The following EPS15L1 variants were observed in gnomAD, a reference collection of about 807,000 sequenced individuals.
EPS15L1 encodes the protein epidermal growth factor receptor pathway substrate 15 like 1, also known as epidermal growth factor receptor substrate 15-like 1.
In EPS15L1, 43 loss-of-function variants were observed where a neutral mutation model predicts 117.1. The ratio of observed to expected loss-of-function variants is 0.37; its 90% CI spans 0.29 to 0.47. The LOEUF (loss-of-function observed/expected upper bound fraction) is 0.47, where lower values mean the gene tolerates loss of function less well. Among genes scored for constraint, EPS15L1 ranks in the 20% least tolerant of loss-of-function variants. EPS15L1 has a pLI of 0.99. For synonymous variants in EPS15L1, 459 were observed against 470.5 expected (o/e 0.98, Z 0.32); for missense variants, 981 against 1,164.0 (o/e 0.84, Z 2.29).
chr19:16,411,944 C>T lies in EPS15L1; in HGVS notation c.1266+1829G>A, dbSNP rs913252685. Reference sequence around the variant, plus strand: ...AAACTCCTGGGCTCAAGCGATCCTCCGGCCTCGGCCTCCCAAAGTGCTGGG... The same window carrying T: ...AAACTCCTGGGCTCAAGCGATCCTCTGGCCTCGGCCTCCCAAAGTGCTGGG... On this transcript the variant is annotated intron_variant, in intron 13 of 23. Transcript: ENST00000455140. Among the ~76,000 whole-genome samples, 7 of 152,190 alleles carry T rather than the reference C, an allele frequency of 4.6e-5. 1 individual carries two copies. Among genetic ancestry groups the T allele is most frequent in the East Asian group, 1.9e-4 (1 of 5,194 alleles).
chr19:16,362,231 G>A (rs2092065262), intron 22 of EPS15L1, among the ~76,000 whole-genome samples: 1 of 152,206 alleles, frequency 6.6e-6, no homozygotes, highest in Admixed American at 6.5e-5. Context: ...AACGCACACA[G>A]AGCAGCTAAA....
rs376439335 is a variant in EPS15L1, at chr19:16,413,613, G to GAA, written c.1266+158_1266+159dup. ...AAGAAAAATAAAGTGAATTCAGCCTGAAAAAAAAAAAAACAAAAACTTCAT... is the reference window on the plus strand; with the variant it reads ...AAGAAAAATAAAGTGAATTCAGCCTGAAAAAAAAAAAAAAACAAAAACTTCAT... On this transcript the variant is annotated intron_variant, in intron 13 of 23. Transcript: ENST00000455140. 5.2e-3 allele frequency: 3,180 copies of GAA among 607,350 alleles called. 2 individuals are homozygous for GAA. The highest frequency in any genetic ancestry group is 0.01 in the South Asian group (484 of 47,766). The allele number at this position is 607,350 out of a possible 1,614,324, so 37.6% of individuals were successfully genotyped here.
intron 1 of EPS15L1, among the ~76,000 whole-genome samples, chr19:16,453,811 T>C (rs2093169444): frequency 6.6e-6 from 1 of 151,526 alleles, no homozygotes; most frequent in Non-Finnish European, 1.5e-5. Flanking sequence ...TACTCTCATG[T>C]AACAAATATG....
intron 16 of EPS15L1, chr19:16,400,571 C>T: frequency 1.1e-6 from 1 of 895,558 alleles, no homozygotes; most frequent in African/African-American, 1.8e-5. Flanking sequence ...TTGAAGTGTT[C>T]AGGAGTAAAC....
chr19:16,360,490 G>A (rs777483235), intron 23 of EPS15L1, among the ~76,000 whole-genome samples: 4 of 152,054 alleles, frequency 2.6e-5, no homozygotes, highest in East Asian at 3.9e-4. Flanking sequence ...GGCCAGTCAC[G>A]TGTAACCCCA....
At chr19:16,426,839 AAT>A (rs1297811757) in intron 8 of EPS15L1, among the ~76,000 whole-genome samples, 2 of 152,240 alleles carry the variant, frequency 1.3e-5, no homozygotes, top group African/African-American at 4.8e-5. Context: ...ATTAGATAAT[AAT>A]AGACACGCTC....
Position 16,402,304 on chromosome 19 carries a change from G to A in EPS15L1, c.1791+17C>T, listed in dbSNP as rs372940566. ...GGACCAGAGCCCCATACTGTAATAC[G>A]TTTATTCAACCTTTACCATGGCTCC... On this transcript the variant is annotated intron_variant, in intron 16 of 23. Coordinates refer to ENST00000455140, the MANE Select transcript of EPS15L1 (RefSeq NM_001258374.3). 1.0e-5 allele frequency: 16 copies of A among 1,598,854 alleles called. No individual in the cohort carries two copies. Among genetic ancestry groups the A allele is most frequent in the East Asian group, 6.7e-5 (3 of 44,740 alleles).
At chr19:16,418,147 G>T (rs200306799) in intron 10 of EPS15L1, 43 bp from the exon 11 acceptor site, 1 of 1,573,248 alleles carries the variant, frequency 6.4e-7, no homozygotes, top group South Asian at 1.2e-5. Context: ...CACAGGCGCC[G>T]ACTCAGCCTG....
intron 16 of EPS15L1, among the ~76,000 whole-genome samples, chr19:16,396,995 A>G (rs1361703842): frequency 2.0e-5 from 3 of 152,120 alleles, no homozygotes; most frequent in African/African-American, 7.2e-5. Flanking sequence ...AACGTTCTAG[A>G]GCTGGGTTCC....
At chr19:16,372,113 G>C (rs2092233021) in intron 22 of EPS15L1, among the ~76,000 whole-genome samples, 1 of 152,198 alleles carries the variant, frequency 6.6e-6, no homozygotes, top group South Asian at 2.1e-4. Flanking sequence ...GGCCCTTGGT[G>C]GTCCCCAGAG....
chr19:16,378,403 C>T (rs1040614352), intron 21 of EPS15L1, among the ~76,000 whole-genome samples: 1 of 152,122 alleles, frequency 6.6e-6, no homozygotes, highest in Non-Finnish European at 1.5e-5. Flanking sequence ...TCCTGCAACA[C>T]TCAGGTCTCC....
Position 16,395,387 on chromosome 19 carries a change from G to GTCT in EPS15L1, c.1869_1871dup (p.Glu623dup). 1 of 1,613,914 alleles carries GTCT rather than the reference G, an allele frequency of 6.2e-7. No individual in the cohort carries two copies. The highest frequency in any genetic ancestry group is 1.7e-5 in the Admixed American group (1 of 60,004). Reference sequence around the variant, plus strand: ...CTTTAAATGGGTCAGATTTGAAGGGGTCTTCTGTCTGGAAAGGATCCGGAT... The same window carrying GTCT: ...CTTTAAATGGGTCAGATTTGAAGGGGTCTTCTTCTGTCTGGAAAGGATCCGGAT... On this transcript the variant is annotated inframe_insertion, in exon 17 of 24. Coordinates refer to ENST00000455140, the MANE Select transcript of EPS15L1 (RefSeq NM_001258374.3).
chr19:16,374,723 G>T (rs3786582), intron 22 of EPS15L1, among the ~76,000 whole-genome samples: 1 of 152,110 alleles, frequency 6.6e-6, no homozygotes, highest in East Asian at 1.9e-4. Context: ...GAGTGGGATG[G>T]CTCCTCCTCA....
Position 16,410,744 on chromosome 19 carries a change from C to T in EPS15L1, c.1266+3029G>A, listed in dbSNP as rs1026629531. On this transcript the variant is annotated intron_variant, in intron 13 of 23. Coordinates refer to ENST00000455140, the MANE Select transcript of EPS15L1 (RefSeq NM_001258374.3). Reference sequence around the variant, plus strand: ...TGGACAACACAGTGAGACCTTGTCGCTGCAAAAAAAAATTAAAAATTAGCC... The same window carrying T: ...TGGACAACACAGTGAGACCTTGTCGTTGCAAAAAAAAATTAAAAATTAGCC... 2.6e-5 allele frequency among the ~76,000 whole-genome samples: 4 copies of T among 151,522 alleles called. 1 individual carries two copies. In the Admixed American group the frequency reaches 2.7e-4, roughly 10 times the overall value.
chr19:16,464,526 G>C (rs2093282102), intron 1 of EPS15L1, among the ~76,000 whole-genome samples: 1 of 152,132 alleles, frequency 6.6e-6, no homozygotes, highest in African/African-American at 2.4e-5. Flanking sequence ...TCATCCCTGA[G>C]CTGCCTAAAT....
chr19:16,462,976 G>A (rs1223558597), intron 1 of EPS15L1, among the ~76,000 whole-genome samples: 1 of 152,208 alleles, frequency 6.6e-6, no homozygotes, highest in East Asian at 1.9e-4. Context: ...CCACGAGTGT[G>A]TCACACTATG....
chr19:16,374,368 G>A (rs1239293897), intron 22 of EPS15L1, among the ~76,000 whole-genome samples: 1 of 152,174 alleles, frequency 6.6e-6, no homozygotes, highest in Non-Finnish European at 1.5e-5. Context: ...AAGATGCAGT[G>A]GCCTGTGCCA....
At chr19:16,412,799 G>A in intron 13 of EPS15L1, 1 of 454,068 alleles carries the variant, frequency 2.2e-6, no homozygotes. Flanking sequence ...TGGGGCTGGG[G>A]TCGCGGCCGT....
chr19:16,432,889 A>G (rs1428250655), intron 7 of EPS15L1, among the ~76,000 whole-genome samples: 1 of 151,892 alleles, frequency 6.6e-6, no homozygotes, highest in African/African-American at 2.4e-5. Flanking sequence ...TGCAGCCTCG[A>G]CTTCCCAGGC....
Sources: gnomAD v4.1 joint callset for allele counts (sites outside exome capture counted in the v4.1 genomes callset) on GRCh38, gnomAD v4.1.1 for gene constraint, MANE v1.5 for transcripts, NCBI Gene and HGNC (gene_info 2026-07-23, HGNC 2026-07-21) for gene names.